The following TBC1D22A variants were observed in gnomAD, a reference collection of about 807,000 sequenced individuals.
The protein encoded by TBC1D22A is TBC1 domain family member 22A.
In TBC1D22A, 38 loss-of-function variants were observed where a neutral mutation model predicts 60.2. That is an observed-to-expected ratio of 0.63 (90% CI 0.49 to 0.83). The LOEUF is 0.83. Among genes scored for constraint, TBC1D22A ranks in the 40% least tolerant of loss-of-function variants. The pLI, the probability that TBC1D22A is intolerant of heterozygous loss-of-function variation, is 0.00. For missense variants in TBC1D22A, 628 were observed against 701.0 expected, an observed-to-expected ratio of 0.90 and a Z score of 1.18; for synonymous variants, 302 against 281.7, an observed-to-expected ratio of 1.07 and a Z score of -0.72.
chr22:47,151,000 C>A (rs191771440), intron 12 of TBC1D22A, among the ~76,000 whole-genome samples: 2 of 152,292 alleles, frequency 1.3e-5, no homozygotes, highest in East Asian at 3.9e-4. Flanking sequence ...GATGGCCTTG[C>A]TCTTCCTGCT....
intron 11 of TBC1D22A, among the ~76,000 whole-genome samples, chr22:47,060,663 C>T (rs577128241): frequency 6.6e-6 from 1 of 152,190 alleles, no homozygotes; most frequent in Non-Finnish European, 1.5e-5. Context: ...AACTCCTGAC[C>T]TCAGGTGATC....
chr22:46,956,483 C>CTCCAA (rs1316146712), intron 8 of TBC1D22A, among the ~76,000 whole-genome samples: 2 of 152,200 alleles, frequency 1.3e-5, no homozygotes, highest in African/African-American at 2.4e-5. Context: ...TTACAAGTAT[C>CTCCAA]ATGTAATAAA....
At chr22:46,913,988 C>T (rs73478587) in intron 8 of TBC1D22A, 14,885 of 158,868 alleles carry the variant, frequency 0.094, 1,450 homozygotes, top group African/African-American at 0.25. Context: ...TCCTGCGTCC[C>T]CATCCTTCCT....
chr22:46,863,770 T>C (rs951322939), intron 4 of TBC1D22A, among the ~76,000 whole-genome samples: 14 of 152,192 alleles, frequency 9.2e-5, no homozygotes, highest in African/African-American at 3.4e-4. Context: ...CCTTAAAATG[T>C]CCCCTTCCCT....
At position 46,997,812 on chromosome 22, in the gene TBC1D22A, C is replaced by G; in HGVS notation, c.1201+103C>G. On this transcript the variant is annotated intron_variant, in intron 10 of 12. Transcript: ENST00000337137. The stretch of plus-strand genomic sequence containing the variant: ...TCCTCATCCGCCGGCAGCATCCTGG[C>G]CTGCTCAGGATCCCTCATGGGCATC... 25 of 1,029,404 alleles carry G rather than the reference C, an allele frequency of 2.4e-5. No homozygotes were observed. The South Asian group carries it at 3.4e-4, about 14-fold the overall frequency. The allele number at this position is 1,029,404 out of a possible 1,614,324, so 63.8% of individuals were successfully genotyped here. A position where few individuals can be genotyped will look rare whatever the true frequency, so the allele number is the denominator to read the frequency against.
chr22:47,146,601 A>G (rs2067295892), intron 12 of TBC1D22A, among the ~76,000 whole-genome samples: 1 of 152,162 alleles, frequency 6.6e-6, no homozygotes, highest in Non-Finnish European at 1.5e-5. Flanking sequence ...GAGATAATCA[A>G]ATTGGATTAG....
intron 1 of TBC1D22A, among the ~76,000 whole-genome samples, chr22:46,791,542 T>A (rs1255527621): frequency 1.3e-5 from 2 of 151,828 alleles, no homozygotes; most frequent in African/African-American, 4.8e-5. Context: ...TTTTTTTTTT[T>A]TTTTTTCCAG....
rs2062818019 is a variant in TBC1D22A, at chr22:47,040,857, C to T, written c.1329+3659C>T. ...CAGGGCTCTGAGTATGGTGAGTGAG[C>T]AGCAGCCAAGCCGGCCTCCTGGGCC... On this transcript the variant is annotated intron_variant, in intron 11 of 12. Transcript: ENST00000337137. Among the ~76,000 whole-genome samples the T allele has an allele frequency of 2.0e-5, 3 of 152,244 alleles. No individual in the cohort carries two copies. In the South Asian group the frequency reaches 6.2e-4, roughly 32 times the overall value.
chr22:47,161,241 G>A (rs1197606586), intron 12 of TBC1D22A, among the ~76,000 whole-genome samples: 1 of 152,176 alleles, frequency 6.6e-6, no homozygotes, highest in African/African-American at 2.4e-5. Context: ...AACAGAAATT[G>A]AAAGACGACA....
At chr22:47,134,393 G>A (rs2066783337) in intron 12 of TBC1D22A, among the ~76,000 whole-genome samples, 2 of 152,236 alleles carry the variant, frequency 1.3e-5, no homozygotes, top group African/African-American at 4.8e-5. Context: ...CTGAGGGTGG[G>A]CCAGGGTGGA....
intron 11 of TBC1D22A, among the ~76,000 whole-genome samples, chr22:47,057,423 T>C (rs1253419999): frequency 6.6e-6 from 1 of 152,226 alleles, no homozygotes; most frequent in African/African-American, 2.4e-5. Flanking sequence ...CGAACCCAGA[T>C]GGACAGTGCT....
At chr22:47,039,704 GAAAAAAA>G (rs34793078) in intron 11 of TBC1D22A, among the ~76,000 whole-genome samples, 60 of 81,442 alleles carry the variant, frequency 7.4e-4, no homozygotes, top group East Asian at 2.0e-3. Context: ...TGCATTTCAG[GAAAAAAA>G]AAAAAAAAAA....
chr22:46,826,285 A>G (rs2086062790), intron 4 of TBC1D22A, among the ~76,000 whole-genome samples: 1 of 152,164 alleles, frequency 6.6e-6, no homozygotes, highest in Admixed American at 6.5e-5. Context: ...TGGCTGGGCC[A>G]CACTTTCCTG....
chr22:46,905,713 A>T (rs902699961), intron 7 of TBC1D22A, among the ~76,000 whole-genome samples: 13 of 152,148 alleles, frequency 8.5e-5, no homozygotes, highest in South Asian at 2.1e-4. Flanking sequence ...ATGGCCAGGG[A>T]TGTCCTGAAC....
chr22:46,957,135 C>A (rs2073240034), intron 8 of TBC1D22A, among the ~76,000 whole-genome samples: 1 of 152,188 alleles, frequency 6.6e-6, no homozygotes, highest in South Asian at 2.1e-4. Flanking sequence ...AGCTGATGTA[C>A]CCATTGCAGG....
chr22:47,008,805 G>A (rs2061662878), intron 10 of TBC1D22A, among the ~76,000 whole-genome samples: 1 of 152,176 alleles, frequency 6.6e-6, no homozygotes, highest in African/African-American at 2.4e-5. Flanking sequence ...CAAACAAGCT[G>A]GTGCCTGTAA....
intron 8 of TBC1D22A, among the ~76,000 whole-genome samples, chr22:46,971,889 C>G (rs1265929435): frequency 6.6e-6 from 1 of 152,212 alleles, no homozygotes; most frequent in Non-Finnish European, 1.5e-5. Context: ...AGTTTTGAGA[C>G]CAGACACCTT....
chr22:46,997,294 G>T (rs1221788951), intron 9 of TBC1D22A, among the ~76,000 whole-genome samples: 1 of 152,238 alleles, frequency 6.6e-6, no homozygotes, highest in Non-Finnish European at 1.5e-5. Flanking sequence ...AGTTCCCACA[G>T]ACGGTTCTGG....
intron 4 of TBC1D22A, among the ~76,000 whole-genome samples, chr22:46,876,960 C>T (rs1230491637): frequency 6.6e-6 from 1 of 152,260 alleles, no homozygotes; most frequent in Admixed American, 6.5e-5. Context: ...TGAACCATCC[C>T]TCCTTCATTC....
Sources: gnomAD v4.1 joint callset for allele counts (sites outside exome capture counted in the v4.1 genomes callset) on GRCh38, gnomAD v4.1.1 for gene constraint, MANE v1.5 for transcripts, NCBI Gene and HGNC (gene_info 2026-07-23, HGNC 2026-07-21) for gene names.